Variants in LRRK2 observed in about 807,000 individuals in gnomAD.
LRRK2 encodes the protein leucine-rich repeat serine/threonine-protein kinase 2.
LRRK2 carries 203 observed loss-of-function variants against 302.6 expected under a neutral mutation model. The observed-to-expected ratio is 0.67, with a 90% CI of 0.60 to 0.75. The LOEUF (loss-of-function observed/expected upper bound fraction) is 0.75. LRRK2 is among the 30% of genes least tolerant of loss of function. The probability of loss-of-function intolerance (pLI) is 0.00; values close to 1 mark genes in which losing one functional copy is unlikely to be tolerated. For synonymous variants in LRRK2, 1,066 were observed against 1,031.9 expected (o/e 1.03, Z -0.63); for missense variants, 2,830 against 2,951.0 (o/e 0.96, Z 0.95).
At chr12:40,319,838 G>C (rs1945344130) in intron 33 of LRRK2, 150 bp from the exon 34 acceptor site, 2 of 633,040 alleles carry the variant, frequency 3.2e-6, no homozygotes, top group Non-Finnish European at 5.2e-6. Flanking sequence ...TAGGCCACAT[G>C]GTTGCTAGAG....
At chr12:40,356,658 AC>A (rs1237347217) in intron 46 of LRRK2, among the ~76,000 whole-genome samples, 3 of 152,078 alleles carry the variant, frequency 2.0e-5, no homozygotes, top group African/African-American at 7.2e-5. Context: ...TATTCACTCA[AC>A]TTCCTACCCG....
intron 4 of LRRK2, among the ~76,000 whole-genome samples, chr12:40,236,585 A>T (rs1301180891): frequency 6.6e-6 from 1 of 152,060 alleles, no homozygotes; most frequent in African/African-American, 2.4e-5. Flanking sequence ...CCTTCCATGT[A>T]GGGGAGGGCT....
chr12:40,282,007 C>CCACTT lies in LRRK2; in HGVS notation c.2242-1867_2242-1866insACTTC, dbSNP rs1565709228. ...CATTTGTGAGTTTTTCCCTCCCTCCCCGCTTCCCTTCCCTTCCCTTCCCTT... is the reference window on the plus strand; with the variant it reads ...CATTTGTGAGTTTTTCCCTCCCTCCCCACTTCGCTTCCCTTCCCTTCCCTTCCCTT... On this transcript the variant is annotated intron_variant, in intron 18 of 50. Coordinates refer to ENST00000298910, the MANE Select transcript of LRRK2 (RefSeq NM_198578.4). Among the ~76,000 whole-genome samples the CCACTT allele has an allele frequency of 3.2e-4, 45 of 142,776 alleles. 4 individuals are homozygous for CCACTT. In the East Asian group the frequency reaches 7.8e-3, roughly 25 times the overall value. The allele number at this position is 142,776 out of a possible 152,430, so 93.7% of individuals were successfully genotyped here.
chr12:40,317,541 A>C (rs568347442), intron 33 of LRRK2, among the ~76,000 whole-genome samples: 14 of 152,266 alleles, frequency 9.2e-5, no homozygotes, highest in Non-Finnish European at 1.5e-5. Context: ...CTTATTAAAA[A>C]AAGGTACCAT....
At chr12:40,367,548 C>T (rs1946915741) in intron 50 of LRRK2, 96 bp from the exon 51 acceptor site, 2 of 1,181,224 alleles carry the variant, frequency 1.7e-6, no homozygotes, top group South Asian at 1.6e-5. Flanking sequence ...TTACATTTAT[C>T]TAAGTCAACT....
At chr12:40,312,113 A>G (rs1047478527) in intron 31 of LRRK2, among the ~76,000 whole-genome samples, 4 of 152,042 alleles carry the variant, frequency 2.6e-5, no homozygotes, top group African/African-American at 9.7e-5. Context: ...AAAAGGCCTG[A>G]ATTTAGTTGA....
chr12:40,327,062 G>A (rs990679570), intron 38 of LRRK2, among the ~76,000 whole-genome samples: 2 of 152,146 alleles, frequency 1.3e-5, no homozygotes, highest in Non-Finnish European at 2.9e-5. Context: ...TGTTTTGTGT[G>A]TATTCACTTA....
intron 14 of LRRK2, 116 bp downstream of exon 14, chr12:40,264,017 A>C: frequency 1.4e-6 from 1 of 733,458 alleles, no homozygotes; most frequent in Non-Finnish European, 2.4e-6. Flanking sequence ...TGATAGGAGG[A>C]AGTCATGTGG....
At chr12:40,355,047 G>A (rs895027582) in intron 45 of LRRK2, among the ~76,000 whole-genome samples, 2 of 152,128 alleles carry the variant, frequency 1.3e-5, no homozygotes, top group African/African-American at 2.4e-5. Flanking sequence ...GTTGTAGGTT[G>A]GTGACTGTAA....
At position 40,283,284 on chromosome 12, in the gene LRRK2, T is replaced by C. The variant is rs543112290; in HGVS notation, c.2242-591T>C. On this transcript the variant is annotated intron_variant, in intron 18 of 50. Coordinates refer to ENST00000298910, the MANE Select transcript of LRRK2 (RefSeq NM_198578.4). The stretch of plus-strand genomic sequence containing the variant: ...CACATGCTAACCCACCCTGAACACA[T>C]GCTCTGAAAACATAACATTTAGAGG... Among the ~76,000 whole-genome samples, 9 of 152,272 alleles carry C rather than the reference T, an allele frequency of 5.9e-5. No homozygotes were observed. The South Asian group carries it at 1.9e-3, about 32-fold the overall frequency.
At chr12:40,250,557 T>C (rs1368086246) in intron 8 of LRRK2, among the ~76,000 whole-genome samples, 2 of 152,210 alleles carry the variant, frequency 1.3e-5, no homozygotes, top group African/African-American at 4.8e-5. Context: ...GTTTTTCACA[T>C]AGGTAGACGT....
At chr12:40,357,918 G>T (rs1293036564) in intron 46 of LRRK2, among the ~76,000 whole-genome samples, 1 of 151,930 alleles carries the variant, frequency 6.6e-6, no homozygotes, top group Non-Finnish European at 1.5e-5. Flanking sequence ...GACTACAGGC[G>T]TGTGCTACCA....
At chr12:40,241,880 A>T (rs1941737215) in intron 6 of LRRK2, among the ~76,000 whole-genome samples, 1 of 152,184 alleles carries the variant, frequency 6.6e-6, no homozygotes. Context: ...TAAACACTGG[A>T]AAGTGGGTGG....
At chr12:40,246,465 TA>T (rs1215281436) in intron 7 of LRRK2, among the ~76,000 whole-genome samples, 1 of 152,148 alleles carries the variant, frequency 6.6e-6, no homozygotes, top group East Asian at 1.9e-4. Context: ...TCTTTTTTGT[TA>T]AAAACATCCT....
At position 40,340,355 on chromosome 12, in the gene LRRK2, A is replaced by G. The variant is rs1338217878; in HGVS notation, c.6010A>G (p.Thr2004Ala). 1.2e-6 allele frequency: 2 copies of G among 1,613,948 alleles called. No individual in the cohort carries two copies. The highest frequency in any genetic ancestry group is 1.7e-6 in the Non-Finnish European group (2 of 1,179,866). Residue 2004 changes from threonine (T) to alanine (A), a missense_variant, in exon 41 of 51, where the codon ACA (threonine) becomes GCA (alanine). By Grantham distance (58) the Thr-to-Ala change is moderately conservative (BLOSUM62 0). Around this residue, in one of 3 missense-constraint regions of LRRK2, gnomAD observed 253 missense variants for 346.7 expected, o/e 0.73. Coordinates refer to ENST00000298910, the MANE Select transcript of LRRK2 (RefSeq NM_198578.4). The part of the protein sequence containing the change: ...DLKPHNVLLF[T>A]LYPNAAIIAK... ...GAAACCCCACAATGTGCTGCTTTTC[A>G]CACTGTATCCCAATGCTGCCATCAT...
intron 14 of LRRK2, among the ~76,000 whole-genome samples, chr12:40,272,119 G>A (rs1249559444): frequency 1.3e-5 from 2 of 152,126 alleles, no homozygotes; most frequent in Non-Finnish European, 2.9e-5. Flanking sequence ...AATTATTAAC[G>A]ATTTTACAAG....
rs762976828 is a variant in LRRK2, at chr12:40,257,245, C to A, written c.1289-3C>A. On this transcript the variant is annotated splice_region_variant and splice_polypyrimidine_tract_variant and intron_variant, in intron 11 of 50. Coordinates refer to ENST00000298910, the MANE Select transcript of LRRK2 (RefSeq NM_198578.4). ...CTATAAGTAACATTTTAAAAAATCTCAGTTAATTTCAGAAAAATACTGTTA... is the reference window on the plus strand; with the variant it reads ...CTATAAGTAACATTTTAAAAAATCTAAGTTAATTTCAGAAAAATACTGTTA... The A allele has an allele frequency of 6.5e-7, 1 of 1,542,124 alleles. No individual in the cohort carries two copies.
intron 3 of LRRK2, among the ~76,000 whole-genome samples, chr12:40,235,076 TTGA>T (rs940263102): frequency 1.4e-3 from 218 of 152,326 alleles, no homozygotes; most frequent in African/African-American, 5.1e-3. Context: ...AGGTATACAA[TTGA>T]TGATTTGACA....
chr12:40,357,218 C>G (rs1946568236), intron 46 of LRRK2, among the ~76,000 whole-genome samples: 1 of 152,194 alleles, frequency 6.6e-6, no homozygotes, highest in Non-Finnish European at 1.5e-5. Flanking sequence ...GCTTATTTCA[C>G]TTAACATAAT....
Sources: gnomAD v4.1 joint callset for allele counts (sites outside exome capture counted in the v4.1 genomes callset) on GRCh38, gnomAD v4.1.1 for gene constraint, gnomAD v4.1.1 regional missense constraint, MANE v1.5 for transcripts, NCBI Gene and HGNC (gene_info 2026-07-23, HGNC 2026-07-21) for gene names.